Variants in SHANK1 observed in about 807,000 individuals in gnomAD.
SHANK1 encodes SH3 and multiple ankyrin repeat domains protein 1.
A neutral mutation model predicts 165.6 loss-of-function variants in SHANK1; 35 were observed. The observed-to-expected ratio is 0.21, with a 90% CI of 0.16 to 0.28. The LOEUF is 0.28. Among genes scored for constraint, SHANK1 ranks in the 10% least tolerant of loss-of-function variants. The pLI is 1.00. For missense variants in SHANK1, 2,681 were observed against 3,036.4 expected (o/e 0.88, Z 2.75); for synonymous variants, 1,428 against 1,384.8 (o/e 1.03, Z -0.69).
rs1300916285 is a variant in SHANK1, at chr19:50,667,391, T to G, written c.4569A>C (p.Pro1523=). 1 of 1,524,754 alleles carries G rather than the reference T, an allele frequency of 6.6e-7. No individual in the cohort carries two copies. The highest frequency in any genetic ancestry group is 8.8e-7 in the Non-Finnish European group (1 of 1,142,440). The allele number at this position is 1,524,754 out of a possible 1,614,324, so 94.5% of individuals were successfully genotyped here. A position where few individuals can be genotyped will look rare whatever the true frequency, so the allele number is the denominator to read the frequency against. The change falls in exon 23 of 24, where the codon CCA becomes CCC. Residue 1523 remains proline (P), a synonymous_variant. Transcript: ENST00000293441. This position sits in a 1 kb window ranked among gnomAD's most constrained non-coding sequence, Gnocchi z 5.7. ...EDGPGVPPPS[P]RRSVPPSPTS... is the part of the protein sequence containing the mutation. ...TCGGGGAGGGGGGCACGGACCGGCG[T>G]GGGCTGGGCGGCGGGACCCCCGGCC...
chr19:50,690,016 G>A lies in SHANK1; in HGVS notation c.1965-737C>T, dbSNP rs1390615551. Among the ~76,000 whole-genome samples the A allele has an allele frequency of 6.6e-6, 1 of 152,154 alleles. No individual in the cohort carries two copies. Among genetic ancestry groups the A allele is most frequent in the Non-Finnish European group, 1.5e-5 (1 of 68,028 alleles). ...AAAATTCAATTCCTCAGTCACAGTG[G>A]CCATATTTCCAAGTGTGCAGAAGCT... On this transcript the variant is annotated intron_variant, in intron 15 of 23. Coordinates refer to ENST00000293441, the MANE Select transcript of SHANK1 (RefSeq NM_016148.5). This position sits in a 1 kb window ranked among gnomAD's most constrained non-coding sequence, Gnocchi z 4.9.
At position 50,662,811 on chromosome 19, in the gene SHANK1, G is replaced by A. The variant is rs1568424827; in HGVS notation, c.5769-129C>T. On this transcript the variant is annotated intron_variant, in intron 23 of 23. Coordinates refer to ENST00000293441, the MANE Select transcript of SHANK1 (RefSeq NM_016148.5). This position sits in a 1 kb window ranked among gnomAD's most constrained non-coding sequence, Gnocchi z 7.7. ...ACATAAGGGTAGGGGGAGAGACGGA[G>A]GAGAGACGGGAAGAAATGGAGGGAG... is the stretch of plus-strand genomic sequence containing the variant. 2 of 920,008 alleles carry A rather than the reference G, an allele frequency of 2.2e-6. No individual in the cohort carries two copies. The highest frequency in any genetic ancestry group is 5.3e-5 in the East Asian group (2 of 37,816). The allele number at this position is 920,008 out of a possible 1,614,324, so 57.0% of individuals were successfully genotyped here. A position where few individuals can be genotyped will look rare whatever the true frequency, so the allele number is the denominator to read the frequency against.
Position 50,661,737 on chromosome 19 carries a change from CT to C in SHANK1, c.*227del. 2.2e-6 allele frequency: 1 copy of C among 460,210 alleles called. No homozygotes were observed. 28.5% of individuals were successfully genotyped at this position (460,210 alleles called of 1,614,324 possible). A position where few individuals can be genotyped will look rare whatever the true frequency, so the allele number is the denominator to read the frequency against. On this transcript the variant is annotated 3_prime_UTR_variant, in exon 24 of 24. Transcript: ENST00000293441. Reference sequence around the variant, plus strand: ...TCTCCTATCCCCCCTCCGCTCCCCGCTTCACACACACACACACACTCTTGTG... The same window carrying C: ...TCTCCTATCCCCCCTCCGCTCCCCGCTCACACACACACACACACTCTTGTG...
rs2089111138 is a variant in SHANK1 at position 50,719,486 on chromosome 19, A to AT, written c.-125_-124insA. The AT allele has an allele frequency of 9.6e-4, 1 of 1,038 alleles. No homozygotes were observed. The highest frequency in any genetic ancestry group is 2.6e-3 in the Non-Finnish European group (1 of 384). 0.1% of individuals were successfully genotyped at this position (1,038 alleles called of 1,614,324 possible). On this transcript the variant is annotated 5_prime_UTR_variant, in exon 1 of 24. Transcript: ENST00000293441. ...CCCCCCACCCCCCACCCCCCCGGAG[A>AT]CGGGGACCCTCAGGCCATGCCCCAC...
At position 50,688,097 on chromosome 19, in the gene SHANK1, AGGGGAGG is replaced by A. The variant is rs1258931417; in HGVS notation, c.2173-46_2173-40del. On this transcript the variant is annotated intron_variant, in intron 17 of 23. Transcript: ENST00000293441. This position sits in a 1 kb window ranked among gnomAD's most constrained non-coding sequence, Gnocchi z 6.7. Reference sequence around the variant, plus strand: ...ACCCCCAGATCACACAGAGTAGACGAGGGGAGGGGTGCTTGCAGCTTCAGAGACCCCA... The same window carrying A: ...ACCCCCAGATCACACAGAGTAGACGAGGTGCTTGCAGCTTCAGAGACCCCA... 3.7e-6 allele frequency: 6 copies of A among 1,611,200 alleles called. No homozygotes were observed. Among genetic ancestry groups the A allele is most frequent in the Non-Finnish European group, 5.1e-6 (6 of 1,178,946 alleles).
intron 12 of SHANK1, among the ~76,000 whole-genome samples, chr19:50,698,177 AGAC>A (rs1986800838): frequency 6.7e-6 from 1 of 148,536 alleles, no homozygotes; most frequent in Non-Finnish European, 1.5e-5. Context: ...GCATTGGGGA[AGAC>A]GACTGTTCCA....
rs2089090296 is a variant in SHANK1, at chr19:50,718,165, GGGA to G, written c.-43-1206_-43-1204del. Among the ~76,000 whole-genome samples, 1 of 152,144 alleles carries G rather than the reference GGGA, an allele frequency of 6.6e-6. No homozygotes were observed. The highest frequency in any genetic ancestry group is 2.4e-5 in the African/African-American group (1 of 41,432). ...AAAGGGAAGACTAAATGTGTGTGGT[GGGA>G]GGAGAGTTCCAGGAGGTGTGGGCGA... On this transcript the variant is annotated intron_variant, in intron 1 of 23. Coordinates refer to ENST00000293441, the MANE Select transcript of SHANK1 (RefSeq NM_016148.5). This position sits in a 1 kb window ranked among gnomAD's most constrained non-coding sequence, Gnocchi z 5.1.
chr19:50,707,936 CTTTTCT>C (rs2088964321), intron 8 of SHANK1, among the ~76,000 whole-genome samples: 1 of 87,254 alleles, frequency 1.1e-5, no homozygotes, highest in Non-Finnish European at 2.2e-5. Context: ...CTTTTCTTTT[CTTTTCT>C]TTTCTTTTCT....
rs66511954 is a variant in SHANK1, at chr19:50,663,762, GA to G, written c.5769-1081del. 9.9e-3 allele frequency among the ~76,000 whole-genome samples: 1,460 copies of G among 147,818 alleles called. 24 individuals carry two copies. Among genetic ancestry groups the G allele is most frequent in the African/African-American group, 0.031 (1,238 of 40,266 alleles). ...GCAGTGGAAAAAAAAAAAAAGAAAA[GA>G]AAAAAAAAATCCTCTTCTCTAACCA... On this transcript the variant is annotated intron_variant, in intron 23 of 23. Coordinates refer to ENST00000293441, the MANE Select transcript of SHANK1 (RefSeq NM_016148.5).
Position 50,668,248 on chromosome 19 carries a change from C to T in SHANK1, c.3712G>A (p.Gly1238Arg). Residue 1238 changes from glycine to arginine, a missense_variant, in exon 23 of 24, where the codon GGG becomes AGG. By Grantham distance (125) the Gly-to-Arg change is moderately radical. Around this residue, in one of 10 missense-constraint regions of SHANK1, gnomAD observed 1,713 missense variants for 1,630.2 expected, o/e 1.05. Transcript: ENST00000293441. ...CAGCCCCCCTCCCTCCGGGCCGCCC[C>T]CACCAGGGCGGCCCCGAACTGGCTC... ...FTSQFGAALV[G>R]AARREGGWQN... 6.9e-7 allele frequency: 1 copy of T among 1,448,968 alleles called. No homozygotes were observed. Among genetic ancestry groups the T allele is most frequent in the Non-Finnish European group, 9.0e-7 (1 of 1,115,822 alleles). 89.8% of individuals were successfully genotyped at this position (1,448,968 alleles called of 1,614,324 possible). A position where few individuals can be genotyped will look rare whatever the true frequency, so the allele number is the denominator to read the frequency against.
At position 50,703,529 on chromosome 19, in the gene SHANK1, G is replaced by A. The variant is rs370465457; in HGVS notation, c.1524C>T (p.Asp508=). ...RSPSRGRHPE[D]AKRQPRGRPS... ...GCCGGCCTCGGGGCTGCCTCTTGGC[G>A]TCCTCAGGGTGCCTCCCTCGGGATG... The change falls in exon 11 of 24, where the codon GAC becomes GAT. Residue 508 remains aspartate, a synonymous_variant. Coordinates refer to ENST00000293441, the MANE Select transcript of SHANK1 (RefSeq NM_016148.5). 120 of 1,547,108 alleles carry A rather than the reference G, an allele frequency of 7.8e-5. No homozygotes were observed. In the African/African-American group the frequency reaches 1.1e-3, roughly 14 times the overall value.
At chr19:50,684,172 G>A (rs974612994) in intron 21 of SHANK1, among the ~76,000 whole-genome samples, 6 of 151,848 alleles carry the variant, frequency 4.0e-5, no homozygotes, top group Admixed American at 3.3e-4. Flanking sequence ...GAGGAAACAG[G>A]GTCAAAAAAG....
At chr19:50,681,047 A>C (rs1986163567) in intron 21 of SHANK1, among the ~76,000 whole-genome samples, 1 of 151,810 alleles carries the variant, frequency 6.6e-6, no homozygotes, top group Non-Finnish European at 1.5e-5. Flanking sequence ...CCCCCACCCC[A>C]CTGCATCTAG....
intron 15 of SHANK1, among the ~76,000 whole-genome samples, chr19:50,693,804 C>T (rs892293366): frequency 2.6e-5 from 4 of 152,126 alleles, no homozygotes; most frequent in African/African-American, 9.7e-5. Flanking sequence ...GCACACGTGC[C>T]CCACATGGGC....
chr19:50,715,582 G>A (rs1345000543), intron 4 of SHANK1, 77 bp downstream of exon 4: 2 of 1,281,292 alleles, frequency 1.6e-6, no homozygotes, highest in African/African-American at 1.5e-5. Flanking sequence ...GGGAAGAGGT[G>A]GGGAGAGAAA....
intron 8 of SHANK1, among the ~76,000 whole-genome samples, chr19:50,710,134 C>T (rs2088990690): frequency 6.6e-6 from 1 of 152,146 alleles, no homozygotes. Context: ...ATCAGCTGCA[C>T]GAGGGCCTGG....
At position 50,703,840 on chromosome 19, in the gene SHANK1, C is replaced by T; in HGVS notation, c.1223-10G>A. On this transcript the variant is annotated splice_polypyrimidine_tract_variant and intron_variant, in intron 10 of 23. Transcript: ENST00000293441. ...GACTCCTGGAAGGGCACTGAGAGGGCACAGTGGCGGCGGGGGGCAGATGTT... is the reference window on the plus strand; with the variant it reads ...GACTCCTGGAAGGGCACTGAGAGGGTACAGTGGCGGCGGGGGGCAGATGTT... 2.9e-6 allele frequency: 4 copies of T among 1,383,376 alleles called. No individual in the cohort carries two copies. Among genetic ancestry groups the T allele is most frequent in the Non-Finnish European group, 3.8e-6 (4 of 1,054,706 alleles). The allele number at this position is 1,383,376 out of a possible 1,614,324, so 85.7% of individuals were successfully genotyped here. A position where few individuals can be genotyped will look rare whatever the true frequency, so the allele number is the denominator to read the frequency against.
rs1986324003 is a variant in SHANK1 at position 50,686,145 on chromosome 19, G to A, written c.2577+92C>T. ...CTCCAGGACCAGCCTAAAGCACAGAGGCGTCAGGAGGGTTTTGGAAAGAGA... is the reference window on the plus strand; with the variant it reads ...CTCCAGGACCAGCCTAAAGCACAGAAGCGTCAGGAGGGTTTTGGAAAGAGA... On this transcript the variant is annotated intron_variant, in intron 21 of 23. Transcript: ENST00000293441. The surrounding 1 kb of genome is among the most constrained non-coding windows in gnomAD (Gnocchi z 5.7). 1.5e-6 allele frequency: 1 copy of A among 682,252 alleles called. No individual in the cohort carries two copies. Among genetic ancestry groups the A allele is most frequent in the Non-Finnish European group, 2.5e-6 (1 of 403,944 alleles). 42.3% of individuals were successfully genotyped at this position (682,252 alleles called of 1,614,324 possible).
Position 50,669,015 on chromosome 19 carries a change from C to T in SHANK1, c.2945G>A (p.Ser982Asn). The T allele has an allele frequency of 1.2e-6, 1 of 843,764 alleles. No individual in the cohort carries two copies. Among genetic ancestry groups the T allele is most frequent in the East Asian group, 2.8e-5 (1 of 35,274 alleles). 52.3% of individuals were successfully genotyped at this position (843,764 alleles called of 1,614,324 possible). A position where few individuals can be genotyped will look rare whatever the true frequency, so the allele number is the denominator to read the frequency against. The stretch of plus-strand genomic sequence containing the variant: ...ACTGTGGTACAGGCTCTTCTCGCGG[C>T]TCCCCACGCGAGTGTCGGGAGGGGA... ...GPSPPDTRVG[S>N]REKSLYHSGP... Residue 982 changes from serine to asparagine, a missense_variant, in exon 23 of 24, where the codon AGC (serine) becomes AAC (asparagine). Coordinates refer to ENST00000293441, the MANE Select transcript of SHANK1 (RefSeq NM_016148.5).
Sources: allele counts gnomAD v4.1 joint callset (sites outside exome capture counted in the v4.1 genomes callset), GRCh38; gene constraint gnomAD v4.1.1; regional missense constraint gnomAD v4.1.1; non-coding constraint Gnocchi (gnomAD v3.1); transcripts MANE v1.5; gene names NCBI Gene and HGNC (gene_info 2026-07-23, HGNC 2026-07-21).